Variants in PECR observed in about 807,000 individuals in gnomAD.
PECR encodes the protein peroxisomal trans-2-enoyl-CoA reductase.
A neutral mutation model predicts 35.3 loss-of-function variants in PECR; 30 were observed. The ratio of observed to expected loss-of-function variants is 0.85; its 90% CI spans 0.64 to 1.15. The LOEUF (loss-of-function observed/expected upper bound fraction) is 1.15. Ranked by LOEUF, PECR falls within the 50% of genes most tolerant of loss-of-function variation. The probability of loss-of-function intolerance (pLI) is 0.00; values close to 1 mark genes in which losing one functional copy is unlikely to be tolerated. For missense variants in PECR, 392 were observed against 370.8 expected (o/e 1.06, Z -0.47); for synonymous variants, 148 against 138.9 (o/e 1.07, Z -0.46).
chr2:216,048,869 G>A (rs6759492), intron 6 of PECR, among the ~76,000 whole-genome samples: 6,804 of 130,990 alleles, frequency 0.052, 510 homozygotes, highest in African/African-American at 0.17. Flanking sequence ...AAAAAAAACC[G>A]CTGCTGGCAG....
At chr2:216,037,305 G>A (rs886119625), downstream of PECR, among the ~76,000 whole-genome samples, 1 of 152,190 alleles carries the variant, frequency 6.6e-6, no homozygotes, top group Non-Finnish European at 1.5e-5. Context: ...ATAAGCAGTT[G>A]TACCTAAGTT....
rs188399405 is a variant in PECR at position 216,039,250 on chromosome 2, A to G, written c.*25T>C. On this transcript the variant is annotated 3_prime_UTR_variant, in exon 8 of 8. Transcript: ENST00000265322. ...CCTCAAGATGTGAAGGCACTGGGGG[A>G]TGGAGGACACCTTGTTTCCTCAGCT... The G allele has an allele frequency of 9.2e-5, 116 of 1,259,050 alleles. No individual in the cohort carries two copies. The African/African-American group carries it at 1.6e-3, about 17-fold the overall frequency. 78.0% of individuals were successfully genotyped at this position (1,259,050 alleles called of 1,614,324 possible). A position where few individuals can be genotyped will look rare whatever the true frequency, so the allele number is the denominator to read the frequency against.
chr2:216,046,313 T>A (rs1443212452), intron 6 of PECR, among the ~76,000 whole-genome samples: 3,525 of 128,108 alleles, frequency 0.028, 76 homozygotes, highest in African/African-American at 0.085. Context: ...TATATATATT[T>A]TTTTTTTTTT....
At chr2:216,056,891 G>A (rs1246527088) in intron 4 of PECR, among the ~76,000 whole-genome samples, 1 of 151,976 alleles carries the variant, frequency 6.6e-6, no homozygotes, top group African/African-American at 2.4e-5. Flanking sequence ...AAGTGTGAAG[G>A]CCACTGGAAA....
chr2:216,067,681 C>A (rs1695494087), intron 1 of PECR, among the ~76,000 whole-genome samples: 1 of 151,886 alleles, frequency 6.6e-6, no homozygotes, highest in Non-Finnish European at 1.5e-5. Flanking sequence ...CTCAGCCCCC[C>A]AAGTAGCTGC....
At chr2:216,035,755 G>A (rs748594898), downstream of PECR, among the ~76,000 whole-genome samples, 5 of 152,080 alleles carry the variant, frequency 3.3e-5, no homozygotes, top group Non-Finnish European at 5.9e-5. Context: ...CCAAAGTGCC[G>A]GGATTCCAGG....
At chr2:216,036,602 A>G (rs539568427), downstream of PECR, among the ~76,000 whole-genome samples, 39 of 152,326 alleles carry the variant, frequency 2.6e-4, no homozygotes, top group Admixed American at 1.0e-3. Flanking sequence ...ATGTCAATGC[A>G]TACTTTCAGC....
chr2:216,045,700 G>A (rs1694975909), intron 6 of PECR, among the ~76,000 whole-genome samples: 1 of 152,262 alleles, frequency 6.6e-6, no homozygotes, highest in South Asian at 2.1e-4. Flanking sequence ...ACAAGCAACA[G>A]AGCTGGTTTT....
At position 216,066,465 on chromosome 2, in the gene PECR, C is replaced by A. The variant is rs1695468548; in HGVS notation, c.178G>T (p.Asp60Tyr). 1.2e-6 allele frequency: 2 copies of A among 1,613,688 alleles called. No individual in the cohort carries two copies. The highest frequency in any genetic ancestry group is 1.7e-6 in the Non-Finnish European group (2 of 1,179,658). The change falls in exon 2 of 8, where the codon GAT becomes TAT. Residue 60 changes from aspartate to tyrosine, a missense_variant. Physicochemically the swap from Asp to Tyr is radical, Grantham distance 160. Coordinates refer to ENST00000265322, the MANE Select transcript of PECR (RefSeq NM_018441.6). ...GGAGGTAGGTTGGCCTGCAGTTCAT[C>A]TGCCGCAGACTTCAATCTCTCCAAC... ...RKLERLKSAA[D>Y]ELQANLPPTK...
intron 6 of PECR, 92 bp downstream of exon 6, chr2:216,049,171 A>C (rs1388126653): frequency 1.3e-5 from 10 of 778,668 alleles, no homozygotes; most frequent in Non-Finnish European, 1.9e-5. Flanking sequence ...GGGAGAAATA[A>C]TGTCGTCCAG....
intron 1 of PECR, among the ~76,000 whole-genome samples, chr2:216,066,837 G>A (rs1210858811): frequency 2.0e-5 from 3 of 152,106 alleles, no homozygotes; most frequent in Non-Finnish European, 4.4e-5. Flanking sequence ...ACAGGCACAA[G>A]TCACTGCACC....
intron 1 of PECR, among the ~76,000 whole-genome samples, chr2:216,068,251 G>A (rs1278458291): frequency 6.9e-6 from 1 of 145,102 alleles, no homozygotes; most frequent in Non-Finnish European, 1.5e-5. Context: ...AAAAAAAACC[G>A]GAACCAGAAA....
rs374577312 is a variant in PECR, at chr2:216,065,489, C to A, written c.259-12G>T. On this transcript the variant is annotated splice_polypyrimidine_tract_variant and intron_variant, in intron 2 of 7. Coordinates refer to ENST00000265322, the MANE Select transcript of PECR (RefSeq NM_018441.6). Reference sequence around the variant, plus strand: ...ACCAAATTATTCACCTAAAGAAGAACAGTAGAAGTTACTAAAAGGAAAAGT... The same window carrying A: ...ACCAAATTATTCACCTAAAGAAGAAAAGTAGAAGTTACTAAAAGGAAAAGT... The A allele has an allele frequency of 1.1e-4, 169 of 1,546,314 alleles. No individual in the cohort carries two copies. The highest frequency in any genetic ancestry group is 3.3e-4 in the Admixed American group (20 of 59,916).
At chr2:216,034,510 A>T (rs10198818), downstream of PECR, among the ~76,000 whole-genome samples, 24,634 of 151,042 alleles carry the variant, frequency 0.16, 2,643 homozygotes, top group African/African-American at 0.3. Context: ...AGTCTGTGAT[A>T]TTTTTTTTTC....
At chr2:216,048,698 A>G (rs997561234) in intron 6 of PECR, among the ~76,000 whole-genome samples, 21 of 151,310 alleles carry the variant, frequency 1.4e-4, no homozygotes, top group Non-Finnish European at 1.5e-5. Flanking sequence ...CAACAAAGAG[A>G]CTCTGTCAAA....
At chr2:216,039,433 T>C (rs923107838) in intron 7 of PECR, 73 bp from the exon 8 acceptor site, 2 of 850,090 alleles carry the variant, frequency 2.4e-6, no homozygotes, top group Non-Finnish European at 4.1e-6. Context: ...CAAATCCTCT[T>C]GTTAATTTCC....
chr2:216,065,514 T>C (rs1695447871), intron 2 of PECR, 37 bp from the exon 3 acceptor site: 2 of 1,289,230 alleles, frequency 1.6e-6, no homozygotes, highest in Non-Finnish European at 2.3e-6. Context: ...AAAGGAAAAG[T>C]TTAATAGCCT....
At chr2:216,052,884 C>T (rs1463164765) in intron 4 of PECR, among the ~76,000 whole-genome samples, 2 of 152,136 alleles carry the variant, frequency 1.3e-5, no homozygotes, top group Non-Finnish European at 2.9e-5. Context: ...GACAGAGTCT[C>T]GCTCTGTCAC....
chr2:216,064,649 T>C (rs949947816), intron 3 of PECR, among the ~76,000 whole-genome samples: 2 of 152,206 alleles, frequency 1.3e-5, no homozygotes, highest in Non-Finnish European at 2.9e-5. Context: ...CAACCCAACT[T>C]GTATCACGAC....
Sources: allele counts gnomAD v4.1 joint callset (sites outside exome capture counted in the v4.1 genomes callset), GRCh38; gene constraint gnomAD v4.1.1; transcripts MANE v1.5; gene names NCBI Gene and HGNC (gene_info 2026-07-23, HGNC 2026-07-21).